CDH13: variants seen among roughly 807,000 people sequenced by gnomAD.
The protein encoded by CDH13 is cadherin-13.
A neutral mutation model predicts 63.8 loss-of-function variants in CDH13; 24 were observed. The observed-to-expected ratio is 0.38, with a 90% CI of 0.27 to 0.53. CDH13 has a LOEUF of 0.53. CDH13 is among the 20% of genes least tolerant of loss of function. The pLI, the probability that CDH13 is intolerant of heterozygous loss-of-function variation, is 0.85. For missense variants in CDH13, 1,049 were observed against 903.1 expected (o/e 1.16, Z -2.07); for synonymous variants, 503 against 355.3 (o/e 1.42, Z -4.67).
chr16:83,678,435 C>T lies in CDH13; in HGVS notation c.1512C>T (p.Pro504=), dbSNP rs769395837. 29 of 1,613,836 alleles carry T rather than the reference C, an allele frequency of 1.8e-5. No individual in the cohort carries two copies. Among genetic ancestry groups the T allele is most frequent in the African/African-American group, 4.0e-5 (3 of 74,920 alleles). Reference sequence around the variant, plus strand: ...TGCTGACAGTGAATGCCACGGACCCCGACTCCCTGCAGCATCAAACCATCA... The same window carrying T: ...TGCTGACAGTGAATGCCACGGACCCTGACTCCCTGCAGCATCAAACCATCA... ...SVLLTVNATD[P]DSLQHQTIRY... The change falls in exon 10 of 14, where the codon CCC becomes CCT. Residue 504 remains proline (P), a synonymous_variant. Transcript: ENST00000567109.
At chr16:82,735,006 G>A (rs112201767) in intron 1 of CDH13, among the ~76,000 whole-genome samples, 3 of 152,170 alleles carry the variant, frequency 2.0e-5, no homozygotes, top group East Asian at 1.9e-4. Flanking sequence ...AGGCTACTCC[G>A]GAAATCTAAC....
At chr16:83,044,774 C>T (rs1037869548) in intron 3 of CDH13, among the ~76,000 whole-genome samples, 16 of 152,148 alleles carry the variant, frequency 1.1e-4, no homozygotes, top group African/African-American at 3.9e-4. Flanking sequence ...TGAGTGGCAG[C>T]CAGTGCGGCC....
At chr16:83,777,788 A>G (rs1915224809) in intron 11 of CDH13, among the ~76,000 whole-genome samples, 1 of 152,248 alleles carries the variant, frequency 6.6e-6, no homozygotes, top group Admixed American at 6.5e-5. Flanking sequence ...GCCTAACTGC[A>G]AACTTAATAT....
chr16:83,473,473 T>TCC (rs2073517013), intron 6 of CDH13, among the ~76,000 whole-genome samples: 1 of 152,182 alleles, frequency 6.6e-6, no homozygotes, highest in Admixed American at 6.5e-5. Context: ...CCCTGAAACC[T>TCC]CCTGGAGATC....
chr16:83,180,465 C>G (rs1158627251), intron 4 of CDH13, among the ~76,000 whole-genome samples: 1 of 152,030 alleles, frequency 6.6e-6, no homozygotes, highest in African/African-American at 2.4e-5. Flanking sequence ...ATTTAAATGG[C>G]TTAGAGCATG....
intron 1 of CDH13, among the ~76,000 whole-genome samples, chr16:82,851,864 A>G (rs1242774158): frequency 2.6e-5 from 4 of 152,240 alleles, no homozygotes; most frequent in Admixed American, 1.3e-4. Flanking sequence ...CAGAGGCAGT[A>G]TCCTTTCTTC....
intron 1 of CDH13, chr16:82,823,315 C>A (rs1273719400): frequency 6.6e-6 from 1 of 151,682 alleles, no homozygotes; most frequent in Non-Finnish European, 1.5e-5. Context: ...GGAGGTATGG[C>A]AAAAAATATT....
chr16:83,063,850 C>G (rs556222962), intron 3 of CDH13, among the ~76,000 whole-genome samples: 2 of 152,204 alleles, frequency 1.3e-5, no homozygotes, highest in African/African-American at 2.4e-5. Flanking sequence ...AGTCGTGACC[C>G]CTTCTTACAA....
At chr16:82,798,825 G>A (rs1338943569) in intron 1 of CDH13, among the ~76,000 whole-genome samples, 1 of 152,118 alleles carries the variant, frequency 6.6e-6, no homozygotes, top group Admixed American at 6.6e-5. Flanking sequence ...AATATTTGCA[G>A]GTTCTGGGTT....
intron 8 of CDH13, among the ~76,000 whole-genome samples, chr16:83,659,611 A>G (rs1015435369): frequency 1.3e-5 from 2 of 151,910 alleles, no homozygotes; most frequent in African/African-American, 4.8e-5. Flanking sequence ...TGAAAGCAGG[A>G]CCCCATATCA....
intron 1 of CDH13, among the ~76,000 whole-genome samples, chr16:82,655,827 T>A (rs974167316): frequency 6.6e-6 from 1 of 152,028 alleles, no homozygotes; most frequent in Non-Finnish European, 1.5e-5. Context: ...AAGCTTAGAG[T>A]AGGCAAGGTC....
Position 82,703,181 on chromosome 16 carries a change from C to T in CDH13, c.45+76044C>T, listed in dbSNP as rs1279286018. On this transcript the variant is annotated intron_variant, in intron 1 of 13. Coordinates refer to ENST00000567109, the MANE Select transcript of CDH13 (RefSeq NM_001257.5). ...ATATATGTATTTATGCACACATAAACATACTACACACACTGGATGTATACT... is the reference window on the plus strand; with the variant it reads ...ATATATGTATTTATGCACACATAAATATACTACACACACTGGATGTATACT... Among the ~76,000 whole-genome samples the T allele has an allele frequency of 2.0e-5, 3 of 151,238 alleles. No individual in the cohort carries two copies. In the East Asian group the frequency reaches 5.8e-4, roughly 29 times the overall value.
At chr16:82,825,352 G>T (rs1405369968) in intron 1 of CDH13, 2 of 152,094 alleles carry the variant, frequency 1.3e-5, no homozygotes, top group East Asian at 3.9e-4. Context: ...AATACCAGGA[G>T]TCTGCTTTGT....
intron 7 of CDH13, among the ~76,000 whole-genome samples, chr16:83,555,070 C>A (rs1249901997): frequency 1.3e-5 from 2 of 152,142 alleles, no homozygotes; most frequent in Non-Finnish European, 2.9e-5. Context: ...TCAACATCTA[C>A]CAGCTTGCAG....
rs766037608 is a variant in CDH13, at chr16:82,644,073, G to A, written c.45+16936G>A. 4.1e-4 allele frequency among the ~76,000 whole-genome samples: 63 copies of A among 152,096 alleles called. No individual in the cohort carries two copies. Among genetic ancestry groups the A allele is most frequent in the African/African-American group, 7.7e-4 (32 of 41,406 alleles). On this transcript the variant is annotated intron_variant, in intron 1 of 13. Coordinates refer to ENST00000567109, the MANE Select transcript of CDH13 (RefSeq NM_001257.5). The surrounding 1 kb of genome is among the most constrained non-coding windows in gnomAD (Gnocchi z 5.7). The stretch of plus-strand genomic sequence containing the variant: ...TAGGATGGGGGGTGGTATGGAGGTC[G>A]GGTGGGGAGAAAGAGGAGAGAAATC...
At chr16:82,840,253 C>A (rs548306189) in intron 1 of CDH13, among the ~76,000 whole-genome samples, 5 of 152,008 alleles carry the variant, frequency 3.3e-5, no homozygotes, top group Admixed American at 6.5e-5. Context: ...TGTTTTGATA[C>A]TGTGGTGAAG....
At position 83,283,065 on chromosome 16, in the gene CDH13, C is replaced by T. The variant is rs572385337; in HGVS notation, c.637-61797C>T. ...CTGTATTTAGAAGAAGAAAAGTTCC[C>T]ACTTAATGATGGGGCTGCTCAATAA... On this transcript the variant is annotated intron_variant, in intron 5 of 13. Coordinates refer to ENST00000567109, the MANE Select transcript of CDH13 (RefSeq NM_001257.5). 9.9e-5 allele frequency among the ~76,000 whole-genome samples: 15 copies of T among 152,262 alleles called. No individual in the cohort carries two copies. The South Asian group carries it at 2.9e-3, about 29-fold the overall frequency.
intron 8 of CDH13, among the ~76,000 whole-genome samples, chr16:83,643,346 C>A (rs1428192714): frequency 6.7e-6 from 1 of 150,052 alleles, no homozygotes; most frequent in Non-Finnish European, 1.5e-5. Context: ...TGAGAGAGGA[C>A]TATGTTCTTT....
At chr16:83,344,773 G>C in intron 5 of CDH13, 89 bp from the exon 6 acceptor site, 1 of 1,426,896 alleles carries the variant, frequency 7.0e-7, no homozygotes, top group East Asian at 2.3e-5. Flanking sequence ...TAAAATTGTC[G>C]ATATAACCTA....
Sources: gnomAD v4.1 joint callset for allele counts (sites outside exome capture counted in the v4.1 genomes callset) on GRCh38, gnomAD v4.1.1 for gene constraint, Gnocchi (gnomAD v3.1) non-coding constraint, MANE v1.5 for transcripts, NCBI Gene and HGNC (gene_info 2026-07-23, HGNC 2026-07-21) for gene names.